SCML4: variants seen among roughly 807,000 people sequenced by gnomAD.
SCML4 encodes the protein sex comb on midleg-like protein 4.
A neutral mutation model predicts 41.1 loss-of-function variants in SCML4; 34 were observed. That is an observed-to-expected ratio of 0.83 (90% CI 0.63 to 1.10). The LOEUF (loss-of-function observed/expected upper bound fraction) is 1.10, where lower values mean the gene tolerates loss of function less well. Ranked by LOEUF, SCML4 falls within the 50% of genes least tolerant of loss-of-function variation. The pLI, the probability that SCML4 is intolerant of heterozygous loss-of-function variation, is 0.00. For synonymous variants in SCML4, 214 were observed against 220.9 expected (o/e 0.97, Z 0.28); for missense variants, 522 against 534.1 (o/e 0.98, Z 0.22).
In SCML4 at chr6:107,746,822, G is replaced by A. The variant is rs777099113; in HGVS notation, c.354C>T (p.Leu118=). ...PYLERKKVQQ[L]PEHFGPERPS... ...GCCGCTCGGGCCCAAAATGCTCCGG[G>A]AGCTGCTGCACCTTCTTCCTCTCCA... The change falls in exon 4 of 8, where the codon CTC becomes CTT. Residue 118 remains leucine, a synonymous_variant. Coordinates refer to ENST00000369020, the MANE Select transcript of SCML4 (RefSeq NM_198081.5). 7 of 1,614,014 alleles carry A rather than the reference G, an allele frequency of 4.3e-6. No homozygotes were observed. The highest frequency in any genetic ancestry group is 5.9e-6 in the Non-Finnish European group (7 of 1,180,014).
chr6:107,835,790 G>A, the SCML4 span, among the ~76,000 whole-genome samples: 4 of 147,404 alleles, frequency 2.7e-5, no homozygotes, highest in Non-Finnish European at 3.0e-5. Flanking sequence ...AAAAGAGAGA[G>A]CAGAAATAAA....
At chr6:107,732,906 T>A (rs186239984) in intron 5 of SCML4, among the ~76,000 whole-genome samples, 1 of 152,224 alleles carries the variant, frequency 6.6e-6, no homozygotes, top group Admixed American at 6.5e-5. Flanking sequence ...CTTGTAAGTT[T>A]CCTTTCTAAA....
the SCML4 span, among the ~76,000 whole-genome samples, chr6:107,835,271 G>A: frequency 2.0e-5 from 3 of 152,004 alleles, no homozygotes; most frequent in Admixed American, 6.6e-5. Flanking sequence ...TGAGATGGGA[G>A]GATTGTTTGC....
intron 2 of SCML4, among the ~76,000 whole-genome samples, chr6:107,766,907 A>AG (rs1269354257): frequency 6.6e-6 from 1 of 151,590 alleles, no homozygotes; most frequent in Non-Finnish European, 1.5e-5. Context: ...AGACACAGGA[A>AG]GGGTATTAGG....
intron 2 of SCML4, among the ~76,000 whole-genome samples, chr6:107,766,242 C>T (rs1780026912): frequency 6.6e-6 from 1 of 151,936 alleles, no homozygotes; most frequent in Non-Finnish European, 1.5e-5. Context: ...TGGTGGTGCA[C>T]ACCTGTAATC....
chr6:107,716,326 A>G (rs1774788278), intron 6 of SCML4, among the ~76,000 whole-genome samples: 1 of 152,162 alleles, frequency 6.6e-6, no homozygotes, highest in South Asian at 2.1e-4. Flanking sequence ...GTTTTGAAAG[A>G]CAGGCTTTGG....
rs186602510 is a variant in SCML4 at position 107,737,922 on chromosome 6, A to T, written c.682+7027T>A. On this transcript the variant is annotated intron_variant, in intron 5 of 7. Transcript: ENST00000369020. Reference sequence around the variant, plus strand: ...TAAAAAATTGAATTTAGCTTAATTAATTTTTTTTAAAAAAAGAAATGCAGG... The same window carrying T: ...TAAAAAATTGAATTTAGCTTAATTATTTTTTTTTAAAAAAAGAAATGCAGG... Among the ~76,000 whole-genome samples, 610 of 152,196 alleles carry T rather than the reference A, an allele frequency of 4.0e-3. 7 individuals carry two copies. In the East Asian group the frequency reaches 0.053, roughly 13 times the overall value.
At chr6:107,829,233 A>T (rs1311443603), upstream of SCML4, among the ~76,000 whole-genome samples, 2 of 152,016 alleles carry the variant, frequency 1.3e-5, no homozygotes, top group East Asian at 1.9e-4. Flanking sequence ...TAGAAAGAAA[A>T]AAATTAACCA....
chr6:107,711,584 C>T (rs1455430369), intron 6 of SCML4, among the ~76,000 whole-genome samples: 1 of 152,120 alleles, frequency 6.6e-6, no homozygotes, highest in Non-Finnish European at 1.5e-5. Context: ...GAATGTATCC[C>T]ATTGAGTGAT....
chr6:107,714,504 C>A (rs915038436), intron 6 of SCML4, among the ~76,000 whole-genome samples: 1 of 152,200 alleles, frequency 6.6e-6, no homozygotes, highest in African/African-American at 2.4e-5. Flanking sequence ...CAGCAATCAT[C>A]ACAATTGTAA....
At chr6:107,715,331 C>T (rs1774666537) in intron 6 of SCML4, among the ~76,000 whole-genome samples, 1 of 147,476 alleles carries the variant, frequency 6.8e-6, no homozygotes, top group East Asian at 2.0e-4. Flanking sequence ...GCTTCACCTC[C>T]TCACATACAA....
At chr6:107,779,119 G>A (rs965041671) in intron 1 of SCML4, among the ~76,000 whole-genome samples, 2 of 152,042 alleles carry the variant, frequency 1.3e-5, no homozygotes. Context: ...GGCGGAGCTT[G>A]CAGTGAGACA....
chr6:107,738,127 G>A (rs1777251857), intron 5 of SCML4, among the ~76,000 whole-genome samples: 1 of 152,160 alleles, frequency 6.6e-6, no homozygotes, highest in Non-Finnish European at 1.5e-5. Context: ...CATGACTTCT[G>A]ACAGAGCCAC....
At chr6:107,745,535 T>A (rs1777992564) in intron 4 of SCML4, 2 of 157,628 alleles carry the variant, frequency 1.3e-5, no homozygotes, top group African/African-American at 4.8e-5. Context: ...TCACATCACA[T>A]CAGGGGATAA....
chr6:107,817,627 A>AAAG (rs1784644304), intron 1 of SCML4, among the ~76,000 whole-genome samples: 1 of 140,128 alleles, frequency 7.1e-6, no homozygotes, highest in African/African-American at 2.8e-5. Context: ...TCTCAAAAAA[A>AAAG]AAAAAAAAGA....
chr6:107,811,608 T>A (rs992046690), intron 1 of SCML4, among the ~76,000 whole-genome samples: 6 of 152,110 alleles, frequency 3.9e-5, no homozygotes, highest in African/African-American at 1.4e-4. Context: ...TGGGAAAAAA[T>A]GTGTCTTCTT....
intron 5 of SCML4, 51 bp downstream of exon 5, chr6:107,744,898 C>G (rs752162500): frequency 1.4e-6 from 2 of 1,455,440 alleles, no homozygotes; most frequent in East Asian, 4.7e-5. Context: ...GGCAGAGACA[C>G]CTGGGACAGG....
chr6:107,783,786 G>T (rs1006837252), intron 1 of SCML4, among the ~76,000 whole-genome samples: 1 of 152,246 alleles, frequency 6.6e-6, no homozygotes, highest in Non-Finnish European at 1.5e-5. Flanking sequence ...GGAGGTAGAG[G>T]TTGGGATGGG....
intron 5 of SCML4, among the ~76,000 whole-genome samples, chr6:107,744,327 T>A (rs1212112033): frequency 1.3e-5 from 2 of 152,142 alleles, no homozygotes; most frequent in African/African-American, 2.4e-5. Context: ...CACTTTTCCA[T>A]CCTGAGCTAC....
Sources: gnomAD v4.1 joint callset for allele counts (sites outside exome capture counted in the v4.1 genomes callset) on GRCh38, gnomAD v4.1.1 for gene constraint, MANE v1.5 for transcripts, NCBI Gene and HGNC (gene_info 2026-07-23, HGNC 2026-07-21) for gene names.